CDH13: variants seen among roughly 807,000 people sequenced by gnomAD.
CDH13 encodes cadherin-13.
Under a neutral mutation model 63.8 loss-of-function variants are expected in CDH13, and 24 were observed. The observed-to-expected ratio is 0.38, with a 90% CI of 0.27 to 0.53. The LOEUF (loss-of-function observed/expected upper bound fraction) is 0.53, where lower values mean the gene tolerates loss of function less well. CDH13 is among the 20% of genes least tolerant of loss of function. The probability of loss-of-function intolerance (pLI) is 0.85; values close to 1 mark genes in which losing one functional copy is unlikely to be tolerated. For synonymous variants in CDH13, 503 were observed against 355.3 expected (o/e 1.42, Z -4.67); for missense variants, 1,049 against 903.1 (o/e 1.16, Z -2.07).
At chr16:83,150,829 G>T (rs767813385) in intron 4 of CDH13, among the ~76,000 whole-genome samples, 4 of 152,156 alleles carry the variant, frequency 2.6e-5, no homozygotes, top group Non-Finnish European at 5.9e-5. Context: ...TTTGTGTGGT[G>T]AACAACCTGC....
Position 82,999,691 on chromosome 16 carries a change from C to T in CDH13, c.158-32319C>T, listed in dbSNP as rs115918478. On this transcript the variant is annotated intron_variant, in intron 2 of 13. Transcript: ENST00000567109. The stretch of plus-strand genomic sequence containing the variant: ...AACTGTATAAGTATTAAACAAATGA[C>T]ATGTTTAAAAACACAGTTTGCACTA... 1.7e-3 allele frequency among the ~76,000 whole-genome samples: 252 copies of T among 152,240 alleles called. 1 individual carries two copies. The highest frequency in any genetic ancestry group is 5.7e-3 in the African/African-American group (238 of 41,546).
chr16:82,872,638 C>G (rs965141828), intron 2 of CDH13, among the ~76,000 whole-genome samples: 2 of 152,112 alleles, frequency 1.3e-5, no homozygotes, highest in Non-Finnish European at 2.9e-5. Flanking sequence ...TTCTTTTCAC[C>G]TTAATGTTGA....
intron 2 of CDH13, among the ~76,000 whole-genome samples, chr16:82,941,401 G>A (rs1000844318): frequency 6.6e-6 from 1 of 152,162 alleles, no homozygotes; most frequent in Non-Finnish European, 1.5e-5. Flanking sequence ...TTTCACGGGG[G>A]TGGGTGCTCA....
chr16:83,274,693 T>G (rs911378081), intron 5 of CDH13, among the ~76,000 whole-genome samples: 14 of 152,158 alleles, frequency 9.2e-5, no homozygotes, highest in Non-Finnish European at 1.5e-4. Context: ...GATCCTCAGC[T>G]TCTACTGCAA....
At chr16:83,621,803 T>C (rs940025268) in intron 8 of CDH13, among the ~76,000 whole-genome samples, 9 of 152,210 alleles carry the variant, frequency 5.9e-5, no homozygotes, top group African/African-American at 2.2e-4. Context: ...CCTGCCTTTC[T>C]GTTCAAATCA....
At chr16:83,217,550 G>A (rs2039574565) in intron 5 of CDH13, 53 bp downstream of exon 5, 1 of 1,562,606 alleles carries the variant, frequency 6.4e-7, no homozygotes, top group South Asian at 1.2e-5. Flanking sequence ...GGCTTTCAAA[G>A]ATTGTTTTCT....
At chr16:83,722,001 G>T (rs552876456) in intron 10 of CDH13, among the ~76,000 whole-genome samples, 2 of 152,132 alleles carry the variant, frequency 1.3e-5, no homozygotes, top group Non-Finnish European at 2.9e-5. Context: ...AACTGGGAGT[G>T]GAGGGGTCCA....
At chr16:83,693,087 A>G (rs1271940155) in intron 10 of CDH13, among the ~76,000 whole-genome samples, 4 of 152,166 alleles carry the variant, frequency 2.6e-5, no homozygotes, top group Non-Finnish European at 5.9e-5. Context: ...CATCTCGAAG[A>G]AAAAAAGAAA....
At chr16:83,224,376 G>A (rs1372513892) in intron 5 of CDH13, among the ~76,000 whole-genome samples, 3 of 151,494 alleles carry the variant, frequency 2.0e-5, no homozygotes, top group Admixed American at 2.0e-4. Context: ...CTCAGTAGTG[G>A]GACTGCTGGA....
intron 11 of CDH13, among the ~76,000 whole-genome samples, chr16:83,760,902 C>G (rs1175722948): frequency 2.0e-5 from 3 of 152,118 alleles, no homozygotes; most frequent in Non-Finnish European, 2.9e-5. Context: ...AAGGGCAATC[C>G]CTGTTTGCTG....
chr16:82,900,742 C>T (rs557948578), intron 2 of CDH13, among the ~76,000 whole-genome samples: 40 of 152,292 alleles, frequency 2.6e-4, no homozygotes, highest in African/African-American at 9.6e-4. Flanking sequence ...AGTGCTAAGG[C>T]AGGTGATATT....
chr16:83,076,404 G>A (rs903830093), intron 3 of CDH13, among the ~76,000 whole-genome samples: 7 of 152,264 alleles, frequency 4.6e-5, no homozygotes, highest in Admixed American at 4.6e-4. Context: ...AGACTGGCAG[G>A]ACTGGTGTCT....
chr16:83,464,304 G>A (rs1172464519), intron 6 of CDH13, among the ~76,000 whole-genome samples: 1 of 152,032 alleles, frequency 6.6e-6, no homozygotes, highest in African/African-American at 2.4e-5. Flanking sequence ...TGTGAAGTCA[G>A]GAGTTCAAGA....
At chr16:83,732,422 G>T (rs763512833) in intron 10 of CDH13, among the ~76,000 whole-genome samples, 2 of 152,140 alleles carry the variant, frequency 1.3e-5, no homozygotes. Flanking sequence ...GTGAGTTGAT[G>T]GTGGGAGGTG....
chr16:83,591,757 G>A (rs1051687493), intron 7 of CDH13, among the ~76,000 whole-genome samples: 3 of 152,184 alleles, frequency 2.0e-5, no homozygotes, highest in Non-Finnish European at 2.9e-5. Context: ...CTGCTGCCCT[G>A]GGGAGCCACT....
chr16:83,312,669 A>G (rs535033928), intron 5 of CDH13, among the ~76,000 whole-genome samples: 16 of 152,188 alleles, frequency 1.1e-4, no homozygotes, highest in Non-Finnish European at 2.2e-4. Flanking sequence ...AATGCTGCTG[A>G]TGTTAGAAGA....
chr16:82,697,363 C>T (rs1271161159), intron 1 of CDH13, among the ~76,000 whole-genome samples: 1 of 151,748 alleles, frequency 6.6e-6, no homozygotes, highest in East Asian at 1.9e-4. Flanking sequence ...TCACTCTCAC[C>T]CCAGACTATC....
chr16:82,880,451 A>G (rs922118935), intron 2 of CDH13, among the ~76,000 whole-genome samples: 12 of 152,218 alleles, frequency 7.9e-5, no homozygotes, highest in African/African-American at 2.7e-4. Context: ...TACTGAGCAC[A>G]TAGAAAGGTG....
At chr16:83,164,050 C>G (rs546332300) in intron 4 of CDH13, among the ~76,000 whole-genome samples, 2 of 152,010 alleles carry the variant, frequency 1.3e-5, no homozygotes, top group African/African-American at 2.4e-5. Flanking sequence ...TAGTTGTTAT[C>G]TGTGTCTTAC....
Sources: gnomAD v4.1 joint callset for allele counts (sites outside exome capture counted in the v4.1 genomes callset) on GRCh38, gnomAD v4.1.1 for gene constraint, MANE v1.5 for transcripts, NCBI Gene and HGNC (gene_info 2026-07-23, HGNC 2026-07-21) for gene names.